The following UNC79 variants were observed in gnomAD, a reference collection of about 807,000 sequenced individuals.
UNC79 encodes protein unc-79 homolog.
In UNC79, 37 loss-of-function variants were observed where a neutral mutation model predicts 283.1. The ratio of observed to expected loss-of-function variants is 0.13; its 90% CI spans 0.10 to 0.17. The LOEUF (loss-of-function observed/expected upper bound fraction) is 0.17. Ranked by LOEUF, UNC79 falls within the 10% of genes least tolerant of loss-of-function variation. The probability of loss-of-function intolerance (pLI) is 1.00; values close to 1 mark genes in which losing one functional copy is unlikely to be tolerated. For missense variants in UNC79, 2,272 were observed against 3,211.1 expected, an observed-to-expected ratio of 0.71 and a Z score of 7.07; for synonymous variants, 1,107 against 1,200.2, an observed-to-expected ratio of 0.92 and a Z score of 1.61.
intron 1 of UNC79, among the ~76,000 whole-genome samples, chr14:93,352,317 T>C (rs967165797): frequency 6.6e-6 from 1 of 152,196 alleles, no homozygotes; most frequent in African/African-American, 2.4e-5. Context: ...GGCTTTGTAT[T>C]TCAGCTTCTG....
intron 14 of UNC79, among the ~76,000 whole-genome samples, chr14:93,549,746 G>T (rs2061777688): frequency 6.6e-6 from 1 of 152,186 alleles, no homozygotes; most frequent in Admixed American, 6.5e-5. Context: ...CAGCCAGATT[G>T]GTTACATCCT....
chr14:93,419,831 A>G (rs1181307530), intron 1 of UNC79, among the ~76,000 whole-genome samples: 1 of 151,714 alleles, frequency 6.6e-6, no homozygotes, highest in African/African-American at 2.4e-5. Flanking sequence ...TAGGAGGCCA[A>G]GGTAAGACGA....
At chr14:93,347,198 C>G (rs1349688648) in intron 1 of UNC79, 4 of 1,502,782 alleles carry the variant, frequency 2.7e-6, no homozygotes, top group African/African-American at 1.4e-5. Context: ...CTCACGAGCA[C>G]TGGAGCTTGC....
chr14:93,347,285 G>A (rs772649433), intron 1 of UNC79: 1 of 1,605,092 alleles, frequency 6.2e-7, no homozygotes, highest in Admixed American at 1.7e-5. Flanking sequence ...CTCCTGCGTG[G>A]GCGCTGTCCT....
intron 47 of UNC79, among the ~76,000 whole-genome samples, chr14:93,701,127 C>T (rs1204412556): frequency 6.6e-6 from 1 of 152,224 alleles, no homozygotes; most frequent in Non-Finnish European, 1.5e-5. Context: ...CACCTGCATT[C>T]CTGCTGCCAG....
chr14:93,657,197 CTG>C (rs1405167617), intron 38 of UNC79, among the ~76,000 whole-genome samples: 1 of 152,278 alleles, frequency 6.6e-6, no homozygotes, highest in African/African-American at 2.4e-5. Flanking sequence ...TACTTTGAAA[CTG>C]TGTATGTGTA....
intron 1 of UNC79, among the ~76,000 whole-genome samples, chr14:93,459,239 G>T (rs543292780): frequency 2.6e-5 from 4 of 152,182 alleles, no homozygotes; most frequent in African/African-American, 9.7e-5. Context: ...CTCCCAAAGT[G>T]CTGGGATTAC....
At position 93,500,582 on chromosome 14, in the gene UNC79, A is replaced by G. The variant is rs1244846093; in HGVS notation, c.898+3296A>G. On this transcript the variant is annotated intron_variant, in intron 7 of 48. Transcript: ENST00000555664. The stretch of plus-strand genomic sequence containing the variant: ...TTTTTTAGCCCTCTCCTAATTGAAG[A>G]CAATCTATGGACCAGGCACCATATT... 6.6e-5 allele frequency among the ~76,000 whole-genome samples: 10 copies of G among 152,334 alleles called. No homozygotes were observed. In the East Asian group the frequency reaches 1.9e-3, roughly 29 times the overall value.
intron 7 of UNC79, among the ~76,000 whole-genome samples, chr14:93,517,447 T>C (rs2060122270): frequency 6.8e-6 from 1 of 146,850 alleles, no homozygotes; most frequent in Non-Finnish European, 1.5e-5. Context: ...ATTAAATTAT[T>C]ATGTTAACTG....
At chr14:93,365,740 C>T (rs1440468909) in intron 1 of UNC79, among the ~76,000 whole-genome samples, 1 of 151,766 alleles carries the variant, frequency 6.6e-6, no homozygotes, top group Non-Finnish European at 1.5e-5. Context: ...GAATTAGAAA[C>T]AGTGAGAAAA....
Position 93,655,265 on chromosome 14 carries a change from G to C in UNC79, c.6314G>C (p.Gly2105Ala), listed in dbSNP as rs766588348. 8.1e-6 allele frequency: 13 copies of C among 1,613,984 alleles called. No individual in the cohort carries two copies. Among genetic ancestry groups the C allele is most frequent in the Middle Eastern group, 1.6e-4 (1 of 6,084 alleles). Residue 2105 changes from glycine (G) to alanine (A), a missense_variant, in exon 38 of 49, where the codon GGG (glycine) becomes GCG (alanine). By Grantham distance (60) the Gly-to-Ala change is moderately conservative. This residue lies in a region of UNC79 where 287 missense variants were observed against 446.4 expected (regional missense o/e 0.64). Coordinates refer to ENST00000555664, the Ensembl canonical transcript of UNC79. ...AATAACAAAAAGAATTTACCAGCAG[G>C]GGGTGCTATGATTCGCTGTTTGGAA... is the stretch of plus-strand genomic sequence containing the variant.
chr14:93,641,366 G>C (rs1289544656), intron 33 of UNC79, 119 bp downstream of exon 36: 5 of 929,588 alleles, frequency 5.4e-6, no homozygotes, highest in African/African-American at 1.6e-5. Flanking sequence ...TGTTCCTCCA[G>C]TATATTGCCT....
intron 31 of UNC79, among the ~76,000 whole-genome samples, chr14:93,633,477 C>T (rs1286058537): frequency 6.6e-6 from 1 of 152,194 alleles, no homozygotes; most frequent in African/African-American, 2.4e-5. Flanking sequence ...TTTCCAGGGG[C>T]CATGCGGTCA....
At chr14:93,379,111 A>T (rs1217036187) in intron 1 of UNC79, among the ~76,000 whole-genome samples, 2 of 152,054 alleles carry the variant, frequency 1.3e-5, no homozygotes, top group African/African-American at 2.4e-5. Context: ...GCTGTGATTG[A>T]TCTCTGCTTT....
intron 48 of UNC79, among the ~76,000 whole-genome samples, chr14:93,706,246 A>G (rs955298920): frequency 3.9e-5 from 6 of 152,096 alleles, no homozygotes; most frequent in Non-Finnish European, 8.8e-5. Flanking sequence ...CCCCTGAGTA[A>G]GTGTCACTAT....
intron 1 of UNC79, among the ~76,000 whole-genome samples, chr14:93,373,093 GAAATT>G (rs1260053245): frequency 1.3e-5 from 2 of 152,148 alleles, no homozygotes; most frequent in African/African-American, 4.8e-5. Flanking sequence ...AATCTCAAGA[GAAATT>G]AAAGTATATT....
At chr14:93,497,022 TC>T (rs2059045319) in intron 6 of UNC79, 134 bp from the exon 7 acceptor site, 1 of 895,578 alleles carries the variant, frequency 1.1e-6, no homozygotes, top group Admixed American at 2.7e-5. Flanking sequence ...ATGAAACATG[TC>T]TGCATGAGAT....
At position 93,529,342 on chromosome 14, in the gene UNC79, G is replaced by A. The variant is rs369160159; in HGVS notation, c.1093+16G>A. On this transcript the variant is annotated intron_variant, in intron 10 of 48. Coordinates refer to ENST00000555664, the Ensembl canonical transcript of UNC79. ...CTGCCACAAGGTATGGTTTACTTAG[G>A]AAAGGATGAATAATGAGTAATCATG... The A allele has an allele frequency of 1.2e-6, 2 of 1,613,294 alleles. No homozygotes were observed. The highest frequency in any genetic ancestry group is 8.5e-7 in the Non-Finnish European group (1 of 1,179,652).
At chr14:93,616,327 G>A (rs2066721724) in intron 27 of UNC79, among the ~76,000 whole-genome samples, 1 of 147,600 alleles carries the variant, frequency 6.8e-6, no homozygotes, top group Non-Finnish European at 1.5e-5. Context: ...TTTAATGGCT[G>A]TATTAGACGG....
Sources: gnomAD v4.1 joint callset for allele counts (sites outside exome capture counted in the v4.1 genomes callset) on GRCh38, gnomAD v4.1.1 for gene constraint, gnomAD v4.1.1 regional missense constraint, MANE v1.5 for transcripts, NCBI Gene and HGNC (gene_info 2026-07-23, HGNC 2026-07-21) for gene names.